ELOC: variants seen among roughly 807,000 people sequenced by gnomAD.
The protein encoded by ELOC is elongin-C.
For missense variants in ELOC, 38 were observed against 139.0 expected, an observed-to-expected ratio of 0.27 and a Z score of 3.65; for synonymous variants, 40 against 51.3, an observed-to-expected ratio of 0.78 and a Z score of 0.94.
intron 2 of ELOC, among the ~76,000 whole-genome samples, chr8:73,959,104 T>A (rs1814412826): frequency 6.6e-6 from 1 of 152,164 alleles, no homozygotes; most frequent in South Asian, 2.1e-4. Flanking sequence ...GCACTCACGA[T>A]GAATGGAGTC....
At chr8:73,970,788 A>G (rs1214404439) in intron 1 of ELOC, among the ~76,000 whole-genome samples, 5 of 151,168 alleles carry the variant, frequency 3.3e-5, no homozygotes, top group African/African-American at 9.7e-5. Context: ...TGGGAGGTGG[A>G]GGCGGGCGGA....
chr8:73,970,762 TGTAATC>T (rs1815301135), intron 1 of ELOC: 1 of 151,714 alleles, frequency 6.6e-6, no homozygotes, highest in African/African-American at 2.4e-5. Context: ...GGCTCACGCC[TGTAATC>T]GTAGCTCTTT....
At chr8:73,958,257 T>C (rs1211060122) in intron 2 of ELOC, among the ~76,000 whole-genome samples, 2 of 152,096 alleles carry the variant, frequency 1.3e-5, no homozygotes, top group African/African-American at 4.8e-5. Context: ...CATGCCTGGC[T>C]TTGGTCTTTG....
At chr8:73,963,348 T>C (rs547446974) in intron 1 of ELOC, among the ~76,000 whole-genome samples, 166 of 152,342 alleles carry the variant, frequency 1.1e-3, no homozygotes, top group African/African-American at 3.7e-3. Context: ...CTATATTCTG[T>C]ACAGGAATAG....
intron 2 of ELOC, among the ~76,000 whole-genome samples, chr8:73,957,671 G>A (rs1814285781): frequency 6.6e-6 from 1 of 152,104 alleles, no homozygotes. Flanking sequence ...TTAAAATTGA[G>A]GAATAGTCTT....
At chr8:73,953,900 A>G (rs1046752025) in intron 3 of ELOC, among the ~76,000 whole-genome samples, 1 of 152,244 alleles carries the variant, frequency 6.6e-6, no homozygotes, top group African/African-American at 2.4e-5. Context: ...AAGTGTTCAC[A>G]GAACTATTCA....
At chr8:73,953,505 C>T (rs1279299649) in intron 3 of ELOC, among the ~76,000 whole-genome samples, 2 of 151,640 alleles carry the variant, frequency 1.3e-5, no homozygotes, top group African/African-American at 4.8e-5. Flanking sequence ...GGAGAAACCC[C>T]GTCTCCACTA....
intron 2 of ELOC, 63 bp from the exon 3 acceptor site, chr8:73,956,117 T>C: frequency 2.0e-6 from 3 of 1,528,244 alleles, no homozygotes; most frequent in African/African-American, 1.4e-5. Context: ...CTAAACAGGT[T>C]TGGCTGGGCG....
At position 73,963,863 on chromosome 8, in the gene ELOC, G is replaced by C. The variant is rs1008248821; in HGVS notation, c.-50-4045C>G. Among the ~76,000 whole-genome samples the C allele has an allele frequency of 3.3e-5, 5 of 152,026 alleles. No individual in the cohort carries two copies. In the South Asian group the frequency reaches 6.2e-4, roughly 19 times the overall value. ...ATCCCAGCACTTTGGGAGGCCGAAG[G>C]GGGTGGATCACCTGAGGTCAGGAGT... On this transcript the variant is annotated intron_variant, in intron 1 of 3. Coordinates refer to ENST00000520242, the MANE Select transcript of ELOC (RefSeq NM_005648.4).
chr8:73,962,062 A>ATTTTTGTAT (rs1408442299), intron 1 of ELOC, among the ~76,000 whole-genome samples: 2 of 151,138 alleles, frequency 1.3e-5, no homozygotes, highest in Non-Finnish European at 2.9e-5. Context: ...TGTCCAGCTA[A>ATTTTTGTAT]TTTTTGTATT....
At chr8:73,961,518 C>CT (rs796160550) in intron 1 of ELOC, among the ~76,000 whole-genome samples, 2,182 of 145,638 alleles carry the variant, frequency 0.015, 43 homozygotes, top group South Asian at 0.053. Flanking sequence ...ATCACTCTCT[C>CT]TTTTTTTTTT....
intron 1 of ELOC, among the ~76,000 whole-genome samples, chr8:73,960,676 G>T (rs957804077): frequency 6.6e-6 from 1 of 152,214 alleles, no homozygotes; most frequent in African/African-American, 2.4e-5. Flanking sequence ...ATGCTGGAAG[G>T]ATGATGCATA....
intron 3 of ELOC, among the ~76,000 whole-genome samples, chr8:73,954,852 T>G (rs983923365): frequency 2.7e-5 from 4 of 148,986 alleles, no homozygotes; most frequent in Non-Finnish European, 6.0e-5. Flanking sequence ...ACCAATATGG[T>G]GAAAACCCCG....
intron 1 of ELOC, among the ~76,000 whole-genome samples, chr8:73,968,808 G>A (rs1815166812): frequency 6.6e-6 from 1 of 152,102 alleles, no homozygotes; most frequent in Non-Finnish European, 1.5e-5. Flanking sequence ...CCATTTTAGG[G>A]GTTCTTATCA....
chr8:73,959,715 A>C, intron 2 of ELOC, 50 bp downstream of exon 2: 2 of 1,471,986 alleles, frequency 1.4e-6, no homozygotes, highest in Non-Finnish European at 1.8e-6. Flanking sequence ...CTTTGAAACA[A>C]AGTCCAGTTT....
chr8:73,950,718 T>C (rs1288733039), intron 3 of ELOC, among the ~76,000 whole-genome samples: 1 of 152,188 alleles, frequency 6.6e-6, no homozygotes, highest in Admixed American at 6.5e-5. Context: ...CAAATATCCT[T>C]TGCTTAGAAA....
intron 1 of ELOC, among the ~76,000 whole-genome samples, chr8:73,967,463 CTTTTCTTTTTT>C (rs891207848): frequency 3.7e-5 from 5 of 136,744 alleles, no homozygotes; most frequent in Admixed American, 3.1e-4. Context: ...ATATAATTTT[CTTTTCTTTTTT>C]TTTTTTTTTT....
intron 1 of ELOC, among the ~76,000 whole-genome samples, chr8:73,971,272 T>G (rs574807289): frequency 6.6e-6 from 1 of 151,642 alleles, no homozygotes; most frequent in Non-Finnish European, 1.5e-5. Context: ...CGTGGTGGCA[T>G]GCGCCTTGGT....
chr8:73,956,534 CATCTT>C (rs1482503260), intron 2 of ELOC, among the ~76,000 whole-genome samples: 5 of 152,206 alleles, frequency 3.3e-5, no homozygotes, highest in Non-Finnish European at 5.9e-5. Context: ...TCTCTATCAA[CATCTT>C]CCATTATCAG....
Sources: gnomAD v4.1 joint callset for allele counts (sites outside exome capture counted in the v4.1 genomes callset) on GRCh38, gnomAD v4.1.1 for gene constraint, MANE v1.5 for transcripts, NCBI Gene and HGNC (gene_info 2026-07-23, HGNC 2026-07-21) for gene names.